The following TENM3 variants were observed in gnomAD, a reference collection of about 807,000 sequenced individuals.
The protein encoded by TENM3 is teneurin-3.
TENM3 carries 63 observed loss-of-function variants against 255.1 expected under a neutral mutation model. That is an observed-to-expected ratio of 0.25 (90% CI 0.20 to 0.30). The LOEUF is 0.30. TENM3 is among the 10% of genes least tolerant of loss of function. TENM3 has a pLI of 1.00. For synonymous variants in TENM3, 1,306 were observed against 1,322.3 expected (o/e 0.99, Z 0.27); for missense variants, 2,929 against 3,461.1 (o/e 0.85, Z 3.86).
At chr4:181,669,039 A>C in the TENM3 span, among the ~76,000 whole-genome samples, 14 of 152,310 alleles carry the variant, frequency 9.2e-5, no homozygotes, top group East Asian at 2.7e-3. Flanking sequence ...ATCATAGGTC[A>C]TTAGTAGTAA....
intron 1 of TENM3, among the ~76,000 whole-genome samples, chr4:182,253,512 T>C (rs1214347172): frequency 6.6e-6 from 1 of 152,168 alleles, no homozygotes; most frequent in Non-Finnish European, 1.5e-5. Context: ...AAGAAATTTA[T>C]GGGATTATAT....
the TENM3 span, among the ~76,000 whole-genome samples, chr4:182,073,271 A>G: frequency 6.6e-6 from 1 of 152,202 alleles, no homozygotes; most frequent in Non-Finnish European, 1.5e-5. Context: ...TATCATGAGA[A>G]CAGCATGGGG....
chr4:182,379,775 A>G (rs1383446197), intron 3 of TENM3, among the ~76,000 whole-genome samples: 1 of 152,188 alleles, frequency 6.6e-6, no homozygotes, highest in East Asian at 1.9e-4. Flanking sequence ...TCCACCGCTC[A>G]CTAGCTCTGG....
rs373233691 is a variant in TENM3 at position 182,800,486 on chromosome 4, C to T, written c.*135C>T. On this transcript the variant is annotated 3_prime_UTR_variant, in exon 28 of 28. Coordinates refer to ENST00000511685, the MANE Select transcript of TENM3 (RefSeq NM_001080477.4). ...CTGCTGTTACGACCCACACCCACAC[C>T]GCGAAAACAAGGACCGCTTTTTTCC... is the stretch of plus-strand genomic sequence containing the variant. The T allele has an allele frequency of 1.7e-6, 2 of 1,143,438 alleles. No individual in the cohort carries two copies. The highest frequency in any genetic ancestry group is 1.6e-5 in the South Asian group (1 of 61,172). 70.8% of individuals were successfully genotyped at this position (1,143,438 alleles called of 1,614,324 possible). A position where few individuals can be genotyped will look rare whatever the true frequency, so the allele number is the denominator to read the frequency against.
chr4:182,748,766 A>G (rs1393518166), intron 19 of TENM3, among the ~76,000 whole-genome samples: 2 of 152,162 alleles, frequency 1.3e-5, no homozygotes, highest in East Asian at 1.9e-4. Flanking sequence ...TCCTGTGGGA[A>G]TATTTCCAGA....
chr4:181,963,384 A>G, the TENM3 span, among the ~76,000 whole-genome samples: 4 of 152,264 alleles, frequency 2.6e-5, no homozygotes, highest in Admixed American at 1.3e-4. Context: ...TGTCTGTCAT[A>G]TAACTCTGCA....
At chr4:182,582,472 A>AATTT (rs1745584809) in intron 3 of TENM3, among the ~76,000 whole-genome samples, 1 of 152,170 alleles carries the variant, frequency 6.6e-6, no homozygotes, top group Admixed American at 6.5e-5. Context: ...TCAGCTTAAT[A>AATTT]AGCTTTCATG....
the TENM3 span, among the ~76,000 whole-genome samples, chr4:181,512,797 C>T: frequency 6.6e-6 from 1 of 152,184 alleles, no homozygotes; most frequent in Middle Eastern, 3.2e-3. Flanking sequence ...ATTTGCCCTC[C>T]AGTTCCTATG....
At chr4:182,356,768 C>G (rs1198158360) in intron 3 of TENM3, among the ~76,000 whole-genome samples, 1 of 151,412 alleles carries the variant, frequency 6.6e-6, no homozygotes, top group Admixed American at 6.6e-5. Flanking sequence ...GCACAATGTG[C>G]AGGTTAGCTA....
At chr4:182,230,140 A>C (rs1251088311) in intron 1 of TENM3, among the ~76,000 whole-genome samples, 1 of 152,022 alleles carries the variant, frequency 6.6e-6, no homozygotes, top group East Asian at 1.9e-4. Context: ...AAAAAAAAAA[A>C]AAAAAAAATC....
intron 19 of TENM3, among the ~76,000 whole-genome samples, chr4:182,751,564 AATTGT>A (rs1372546665): frequency 5.3e-5 from 8 of 152,192 alleles, no homozygotes; most frequent in African/African-American, 1.4e-4. Flanking sequence ...ACTGTTAGTA[AATTGT>A]TGAATCCTCA....
At chr4:181,723,973 A>G in the TENM3 span, among the ~76,000 whole-genome samples, 1 of 152,234 alleles carries the variant, frequency 6.6e-6, no homozygotes, top group Admixed American at 6.5e-5. Flanking sequence ...GTATTTGTTT[A>G]CATTTCAGGA....
chr4:182,582,721 T>C (rs1383629143), intron 3 of TENM3, among the ~76,000 whole-genome samples: 1 of 152,206 alleles, frequency 6.6e-6, no homozygotes, highest in Non-Finnish European at 1.5e-5. Flanking sequence ...AGACTCGATA[T>C]GGACGTGTTA....
the TENM3 span, among the ~76,000 whole-genome samples, chr4:181,860,874 G>A: frequency 6.6e-6 from 1 of 152,056 alleles, no homozygotes; most frequent in South Asian, 2.1e-4. Flanking sequence ...GCTGGCTTTG[G>A]AGATTTGAGC....
chr4:181,826,024 C>T, the TENM3 span, among the ~76,000 whole-genome samples: 1 of 152,058 alleles, frequency 6.6e-6, no homozygotes, highest in African/African-American at 2.4e-5. Context: ...GAGACCCATG[C>T]AAGAAAAACA....
chr4:181,526,169 C>T, the TENM3 span, among the ~76,000 whole-genome samples: 2 of 152,000 alleles, frequency 1.3e-5, no homozygotes, highest in African/African-American at 2.4e-5. Context: ...TGGCCCATTT[C>T]TCTGGTTGAA....
intron 3 of TENM3, among the ~76,000 whole-genome samples, chr4:182,367,305 C>A (rs2150828334): frequency 6.6e-6 from 1 of 152,188 alleles, no homozygotes; most frequent in East Asian, 1.9e-4. Context: ...CTTGGGAAAC[C>A]ATGGAAGTTA....
chr4:181,572,519 G>A, the TENM3 span, among the ~76,000 whole-genome samples: 101 of 152,120 alleles, frequency 6.6e-4, no homozygotes, highest in African/African-American at 2.4e-3. Flanking sequence ...TTCTTTCTTT[G>A]ATTTGAACTT....
the TENM3 span, among the ~76,000 whole-genome samples, chr4:181,964,372 T>C: frequency 3.2e-4 from 48 of 152,182 alleles, 1 homozygote; most frequent in Non-Finnish European, 1.5e-4. Flanking sequence ...ATCTGTCTAG[T>C]GGCAGCTACT....
Sources: gnomAD v4.1 joint callset for allele counts (sites outside exome capture counted in the v4.1 genomes callset) on GRCh38, gnomAD v4.1.1 for gene constraint, MANE v1.5 for transcripts, NCBI Gene and HGNC (gene_info 2026-07-23, HGNC 2026-07-21) for gene names.